The following AXDND1 variants were observed in gnomAD, a reference collection of about 807,000 sequenced individuals.
The protein encoded by AXDND1 is axonemal dynein light chain domain containing 1, also known as axonemal dynein light chain domain-containing protein 1.
AXDND1 carries 110 observed loss-of-function variants against 137.5 expected under a neutral mutation model. That is an observed-to-expected ratio of 0.80 (90% CI 0.69 to 0.94). The LOEUF (loss-of-function observed/expected upper bound fraction) is 0.94, where lower values mean the gene tolerates loss of function less well. AXDND1 is among the 40% of genes least tolerant of loss of function. The pLI is 0.00. For missense variants in AXDND1, 1,191 were observed against 1,169.8 expected (o/e 1.02, Z -0.26); for synonymous variants, 414 against 399.7 (o/e 1.04, Z -0.43).
chr1:179,479,794 A>G (rs934416339), intron 17 of AXDND1, among the ~76,000 whole-genome samples: 1 of 152,182 alleles, frequency 6.6e-6, no homozygotes, highest in Non-Finnish European at 1.5e-5. Flanking sequence ...AAAGAAAGAA[A>G]GAAAGAAATT....
intron 4 of AXDND1, among the ~76,000 whole-genome samples, chr1:179,371,628 G>A (rs952928378): frequency 4.5e-4 from 68 of 152,178 alleles, no homozygotes; most frequent in African/African-American, 1.5e-3. Flanking sequence ...ACATTGAAAT[G>A]GATAGATTAT....
chr1:179,537,327 G>T (rs902381880), intron 25 of AXDND1, among the ~76,000 whole-genome samples: 5 of 152,140 alleles, frequency 3.3e-5, no homozygotes, highest in African/African-American at 1.2e-4. Context: ...TATGATATTG[G>T]CTGTGGGTTT....
chr1:179,391,507 G>T (rs1311666402), intron 9 of AXDND1, among the ~76,000 whole-genome samples: 1 of 151,532 alleles, frequency 6.6e-6, no homozygotes, highest in Non-Finnish European at 1.5e-5. Context: ...GAGATCTGAT[G>T]ATTTTATTTA....
intron 12 of AXDND1, among the ~76,000 whole-genome samples, chr1:179,419,170 C>T (rs955616375): frequency 1.5e-4 from 22 of 146,994 alleles, no homozygotes; most frequent in Non-Finnish European, 2.4e-4. Context: ...ACATCCCAGA[C>T]GATGGGCGGC....
At chr1:179,552,518 T>C (rs1673436603) in intron 25 of AXDND1, 2 of 1,047,698 alleles carry the variant, frequency 1.9e-6, no homozygotes, top group African/African-American at 3.1e-5. Flanking sequence ...GCCTAATGAA[T>C]GGACAGTAAG....
chr1:179,487,938 C>G (rs1219951840), intron 18 of AXDND1, among the ~76,000 whole-genome samples: 12 of 134,182 alleles, frequency 8.9e-5, no homozygotes. Context: ...CAAGGATGCA[C>G]TAAACTATGA....
At chr1:179,419,381 G>A (rs1300655892) in intron 12 of AXDND1, among the ~76,000 whole-genome samples, 1 of 150,654 alleles carries the variant, frequency 6.6e-6, no homozygotes, top group Non-Finnish European at 1.5e-5. Context: ...GGAGGCCAAG[G>A]CTGGCGGATC....
At chr1:179,528,545 T>A in intron 23 of AXDND1, 114 bp downstream of exon 23, 1 of 537,486 alleles carries the variant, frequency 1.9e-6, no homozygotes, top group Non-Finnish European at 3.1e-6. Context: ...TCCTAAGTCA[T>A]GTATTTTACA....
intron 11 of AXDND1, among the ~76,000 whole-genome samples, chr1:179,396,655 C>CAA (rs59455939): frequency 4.5e-4 from 61 of 137,052 alleles, no homozygotes; most frequent in Admixed American, 1.5e-3. Flanking sequence ...GACTCCATCT[C>CAA]AAAAAAAAAA....
chr1:179,378,486 CAGTCTTAGT>C (rs1647664084), intron 4 of AXDND1, 142 bp from the exon 5 acceptor site: 2 of 415,144 alleles, frequency 4.8e-6, no homozygotes, highest in East Asian at 8.7e-5. Context: ...TTTAATGCCT[CAGTCTTAGT>C]AAAGTGTTAT....
At chr1:179,544,092 T>C (rs1672419608) in intron 25 of AXDND1, 1 of 152,594 alleles carries the variant, frequency 6.6e-6, no homozygotes, top group East Asian at 1.9e-4. Context: ...ATAGAGCTGA[T>C]GTGGCTCAGT....
rs183341960 is a variant in AXDND1 at position 179,521,437 on chromosome 1, C to A, written c.2497-3897C>A. ...TACCTCTTTCTTTTCAATTCTGATA[C>A]TTCTAGTTGCTTTTTCTTTTTTAAT... is the stretch of plus-strand genomic sequence containing the variant. On this transcript the variant is annotated intron_variant, in intron 21 of 25. Coordinates refer to ENST00000367618, the MANE Select transcript of AXDND1 (RefSeq NM_144696.6). 3.3e-5 allele frequency among the ~76,000 whole-genome samples: 5 copies of A among 152,150 alleles called. 1 individual carries two copies. In the East Asian group the frequency reaches 9.6e-4, roughly 29 times the overall value.
chr1:179,392,486 T>G (rs1179207668), intron 9 of AXDND1, among the ~76,000 whole-genome samples: 3 of 152,232 alleles, frequency 2.0e-5, no homozygotes, highest in Non-Finnish European at 4.4e-5. Context: ...TGTGGGTAGA[T>G]ACCCAGTAGT....
At chr1:179,500,384 T>TGTGTGTGTGTGTGTG (rs1667881056) in intron 20 of AXDND1, among the ~76,000 whole-genome samples, 1 of 147,682 alleles carries the variant, frequency 6.8e-6, no homozygotes, top group Non-Finnish European at 1.5e-5. Flanking sequence ...TGTGTGTGTA[T>TGTGTGTGTGTGTGTG]TGCCTGCCAG....
At chr1:179,439,438 A>G (rs1301016366) in intron 15 of AXDND1, among the ~76,000 whole-genome samples, 4 of 152,158 alleles carry the variant, frequency 2.6e-5, no homozygotes, top group Non-Finnish European at 1.5e-5. Flanking sequence ...CTGAGAATCT[A>G]ACTGTTCTAT....
In AXDND1 at chr1:179,527,528, A is replaced by T. The variant is rs1572176152; in HGVS notation, c.2611-799A>T. Among the ~76,000 whole-genome samples, 4 of 152,168 alleles carry T rather than the reference A, an allele frequency of 2.6e-5. No individual in the cohort carries two copies. The South Asian group carries it at 8.3e-4, about 32-fold the overall frequency. On this transcript the variant is annotated intron_variant, in intron 22 of 25. Coordinates refer to ENST00000367618, the MANE Select transcript of AXDND1 (RefSeq NM_144696.6). ...CAGTATACTCATAAATTATTGCTGA[A>T]GTCAACAGTTACACTAGAGAATAAT...
chr1:179,466,088 G>A (rs978832229), intron 16 of AXDND1, among the ~76,000 whole-genome samples: 6 of 152,014 alleles, frequency 3.9e-5, no homozygotes, highest in Admixed American at 2.0e-4. Flanking sequence ...GCAATGCCCC[G>A]CCCTGCTTCA....
chr1:179,457,965 TTTTTC>T lies in AXDND1; in HGVS notation c.1799-10464_1799-10460del, dbSNP rs1661656516. On this transcript the variant is annotated intron_variant, in intron 16 of 25. Coordinates refer to ENST00000367618, the MANE Select transcript of AXDND1 (RefSeq NM_144696.6). ...GAAATATCATGGGCTGATTTTCTCT[TTTTTC>T]TTTTCTTTTCTTTCCTTCTCTTTTT... 2.6e-5 allele frequency among the ~76,000 whole-genome samples: 4 copies of T among 151,312 alleles called. No individual in the cohort carries two copies. In the Admixed American group the frequency reaches 2.7e-4, roughly 10 times the overall value.
rs540742145 is a variant in AXDND1, at chr1:179,533,892, A to G, written c.2798+15A>G. The stretch of plus-strand genomic sequence containing the variant: ...GAGAAGTTACTGTAAGTATGAGTCA[A>G]CACAATGGTAAGAGGATGAAAATGG... On this transcript the variant is annotated intron_variant, in intron 24 of 25. Transcript: ENST00000367618. The G allele has an allele frequency of 8.1e-6, 13 of 1,603,866 alleles. No homozygotes were observed. The South Asian group carries it at 1.3e-4, about 16-fold the overall frequency.
Sources: allele counts gnomAD v4.1 joint callset (sites outside exome capture counted in the v4.1 genomes callset), GRCh38; gene constraint gnomAD v4.1.1; transcripts MANE v1.5; gene names NCBI Gene and HGNC (gene_info 2026-07-23, HGNC 2026-07-21).